The following F13A1 variants were observed in gnomAD, a reference collection of about 807,000 sequenced individuals.
F13A1 encodes the protein FSF, A subunit.
Under a neutral mutation model 80.1 loss-of-function variants are expected in F13A1, and 47 were observed. That is an observed-to-expected ratio of 0.59 (90% CI 0.46 to 0.75). The LOEUF (loss-of-function observed/expected upper bound fraction) is 0.75. F13A1 is among the 30% of genes least tolerant of loss of function. F13A1 has a pLI of 0.00. For missense variants in F13A1, 817 were observed against 930.4 expected, an observed-to-expected ratio of 0.88 and a Z score of 1.59; for synonymous variants, 349 against 344.9, an observed-to-expected ratio of 1.01 and a Z score of -0.13.
At chr6:6,245,281 G>C (rs1240014139) in intron 6 of F13A1, among the ~76,000 whole-genome samples, 1 of 152,106 alleles carries the variant, frequency 6.6e-6, no homozygotes, top group Admixed American at 6.6e-5. Context: ...TGAGTGCAAT[G>C]GTGTGATCAC....
At position 6,250,803 on chromosome 6, in the gene F13A1, TG is replaced by T; in HGVS notation, c.690+7del. The T allele has an allele frequency of 6.3e-7, 1 of 1,584,450 alleles. No individual in the cohort carries two copies. The highest frequency in any genetic ancestry group is 8.7e-7 in the Non-Finnish European group (1 of 1,153,270). On this transcript the variant is annotated splice_region_variant and intron_variant, in intron 5 of 14. Transcript: ENST00000264870. This position sits in a 1 kb window ranked among gnomAD's most constrained non-coding sequence, Gnocchi z 4.2. Reference sequence around the variant, plus strand: ...GTCCTTGACAATAACAAATTTTAAGTGGCTCACCTGACCATAGCTCCAGCTT... The same window carrying T: ...GTCCTTGACAATAACAAATTTTAAGTGCTCACCTGACCATAGCTCCAGCTT...
At chr6:6,264,341 G>T (rs1757815816) in intron 4 of F13A1, among the ~76,000 whole-genome samples, 1 of 152,124 alleles carries the variant, frequency 6.6e-6, no homozygotes, top group Admixed American at 6.5e-5. Context: ...CTAGAGTTCT[G>T]AACAGTTATA....
At chr6:6,193,253 A>C (rs139018504) in intron 10 of F13A1, among the ~76,000 whole-genome samples, 1 of 152,196 alleles carries the variant, frequency 6.6e-6, no homozygotes, top group Non-Finnish European at 1.5e-5. Context: ...GCTTTCACTC[A>C]TGGAGACTAA....
In F13A1 at chr6:6,195,734, T is replaced by G. The variant is rs1186880962; in HGVS notation, c.1305+63A>C. ...AACTTAGAAACAACAACTTTTAGCT[T>G]ACTCTTTCATGTGTTAAGAGGTTGG... On this transcript the variant is annotated intron_variant, in intron 10 of 14. Coordinates refer to ENST00000264870, the MANE Select transcript of F13A1 (RefSeq NM_000129.4). 2.1e-6 allele frequency: 3 copies of G among 1,458,880 alleles called. No homozygotes were observed. In the African/African-American group the frequency reaches 4.2e-5, roughly 20 times the overall value. 90.4% of individuals were successfully genotyped at this position (1,458,880 alleles called of 1,614,324 possible). A position where few individuals can be genotyped will look rare whatever the true frequency, so the allele number is the denominator to read the frequency against.
At chr6:6,192,407 GA>G (rs1401146282) in intron 10 of F13A1, among the ~76,000 whole-genome samples, 1 of 152,202 alleles carries the variant, frequency 6.6e-6, no homozygotes, top group Admixed American at 6.5e-5. Flanking sequence ...ACAGAGCTCA[GA>G]GGGTAACGAT....
intron 13 of F13A1, among the ~76,000 whole-genome samples, chr6:6,155,446 A>C (rs944316738): frequency 7.9e-5 from 12 of 152,126 alleles, no homozygotes; most frequent in Non-Finnish European, 1.6e-4. Flanking sequence ...AGTGGGGAGC[A>C]GGGAGAAGGA....
intron 12 of F13A1, among the ~76,000 whole-genome samples, chr6:6,172,394 T>TA (rs1297104818): frequency 7.9e-5 from 12 of 151,930 alleles, no homozygotes; most frequent in African/African-American, 2.9e-4. Flanking sequence ...TTACCTTTAC[T>TA]ACCCTAGGAA....
At chr6:6,301,192 A>G (rs1262281623) in intron 3 of F13A1, among the ~76,000 whole-genome samples, 1 of 152,148 alleles carries the variant, frequency 6.6e-6, no homozygotes, top group African/African-American at 2.4e-5. Context: ...TTCCCCAGCA[A>G]TGTTCTTTTT....
intron 13 of F13A1, among the ~76,000 whole-genome samples, chr6:6,153,269 G>T (rs1760411744): frequency 1.3e-5 from 2 of 152,180 alleles, no homozygotes; most frequent in African/African-American, 4.8e-5. Flanking sequence ...TTTAAGAATG[G>T]ACGTAAAGAG....
intron 13 of F13A1, among the ~76,000 whole-genome samples, chr6:6,164,820 T>G (rs1373558014): frequency 6.8e-6 from 1 of 147,140 alleles, no homozygotes; most frequent in Admixed American, 6.8e-5. Flanking sequence ...CTCCCCTCTG[T>G]TCTTCTCTCC....
chr6:6,254,531 A>G (rs1757678971), intron 4 of F13A1, among the ~76,000 whole-genome samples: 1 of 152,154 alleles, frequency 6.6e-6, no homozygotes, highest in Non-Finnish European at 1.5e-5. Context: ...GGTTGACACA[A>G]TCTCTTTTGT....
intron 10 of F13A1, among the ~76,000 whole-genome samples, chr6:6,185,528 AT>A (rs1441222314): frequency 6.6e-6 from 1 of 151,850 alleles, no homozygotes; most frequent in African/African-American, 2.4e-5. Flanking sequence ...AATTTCATCC[AT>A]GTCCCTACAA....
chr6:6,303,846 A>G (rs375571269), intron 3 of F13A1, among the ~76,000 whole-genome samples: 1 of 152,076 alleles, frequency 6.6e-6, no homozygotes, highest in Non-Finnish European at 1.5e-5. Flanking sequence ...AAATTTTTTT[A>G]TGTCTATTTC....
chr6:6,294,919 A>G (rs1419913232), intron 3 of F13A1, among the ~76,000 whole-genome samples: 3 of 115,258 alleles, frequency 2.6e-5, no homozygotes, highest in Admixed American at 1.1e-4. Flanking sequence ...AACAGGCCCC[A>G]GAGTGTGATG....
intron 2 of F13A1, among the ~76,000 whole-genome samples, chr6:6,314,216 G>T (rs561395592): frequency 1.3e-5 from 2 of 152,102 alleles, no homozygotes; most frequent in Admixed American, 6.5e-5. Flanking sequence ...TCCTGATCTG[G>T]TGATCTGCCC....
intron 11 of F13A1, among the ~76,000 whole-genome samples, chr6:6,179,520 A>G (rs1760942076): frequency 6.6e-6 from 1 of 152,188 alleles, no homozygotes; most frequent in Non-Finnish European, 1.5e-5. Flanking sequence ...TGAGCCACGG[A>G]TATGACGAGT....
Position 6,144,791 on chromosome 6 carries a change from T to C in F13A1, c.*828A>G, listed in dbSNP as rs1760248859. The C allele has an allele frequency of 6.6e-6, 1 of 152,610 alleles. No individual in the cohort carries two copies. 9.5% of individuals were successfully genotyped at this position (152,610 alleles called of 1,614,324 possible). ...GATGATTCCTGAGAGATGGGTGAAA[T>C]ATAATCACTAACTAAAGAGATAAAT... is the stretch of plus-strand genomic sequence containing the variant. On this transcript the variant is annotated 3_prime_UTR_variant, in exon 15 of 15. Transcript: ENST00000264870.
intron 2 of F13A1, among the ~76,000 whole-genome samples, chr6:6,314,782 A>G (rs1271543381): frequency 6.6e-6 from 1 of 152,206 alleles, no homozygotes; most frequent in African/African-American, 2.4e-5. Context: ...CCTGACACAT[A>G]TGTGAAAACC....
chr6:6,163,645 T>C (rs1760613030), intron 13 of F13A1, among the ~76,000 whole-genome samples: 1 of 152,212 alleles, frequency 6.6e-6, no homozygotes, highest in African/African-American at 2.4e-5. Context: ...CTGGCTCCAT[T>C]CGTGTTCCTG....
Sources: allele counts gnomAD v4.1 joint callset (sites outside exome capture counted in the v4.1 genomes callset), GRCh38; gene constraint gnomAD v4.1.1; non-coding constraint Gnocchi (gnomAD v3.1); transcripts MANE v1.5; gene names NCBI Gene and HGNC (gene_info 2026-07-23, HGNC 2026-07-21).